The following LRRC4C variants were observed in gnomAD, a reference collection of about 807,000 sequenced individuals.
The protein encoded by LRRC4C is leucine-rich repeat-containing protein 4C.
Under a neutral mutation model 33.6 loss-of-function variants are expected in LRRC4C, and 5 were observed. That is an observed-to-expected ratio of 0.15 (90% confidence interval 0.08 to 0.31). The LOEUF is 0.31. LRRC4C is among the 10% of genes least tolerant of loss of function. LRRC4C has a pLI of 1.00. For synonymous variants in LRRC4C, 329 were observed against 302.0 expected (o/e 1.09, Z -0.93); for missense variants, 560 against 796.7 (o/e 0.70, Z 3.58).
chr11:40,143,175 A>G (rs1857491163), intron 5 of LRRC4C, among the ~76,000 whole-genome samples: 1 of 152,086 alleles, frequency 6.6e-6, no homozygotes, highest in South Asian at 2.1e-4. Flanking sequence ...CTCCAAACAC[A>G]TCTATTGCTA....
intron 1 of LRRC4C, among the ~76,000 whole-genome samples, chr11:41,056,649 CAT>C (rs1259728545): frequency 6.6e-6 from 1 of 152,068 alleles, no homozygotes; most frequent in Non-Finnish European, 1.5e-5. Flanking sequence ...GGTCAACAAA[CAT>C]GTAAAAAAAA....
chr11:40,592,767 A>G (rs1959115136), intron 3 of LRRC4C, among the ~76,000 whole-genome samples: 1 of 152,104 alleles, frequency 6.6e-6, no homozygotes, highest in African/African-American at 2.4e-5. Flanking sequence ...GACTACTTCC[A>G]TGGCTGTGAT....
chr11:40,147,174 C>T (rs1033342792), intron 5 of LRRC4C, among the ~76,000 whole-genome samples: 2 of 152,158 alleles, frequency 1.3e-5, no homozygotes, highest in South Asian at 2.1e-4. Flanking sequence ...GGGCACTGAC[C>T]GCCACTTGCA....
At chr11:41,255,762 A>C (rs1212109938) in intron 1 of LRRC4C, among the ~76,000 whole-genome samples, 1 of 151,992 alleles carries the variant, frequency 6.6e-6, no homozygotes, top group African/African-American at 2.4e-5. Flanking sequence ...TATAACTCTT[A>C]AGCTAAACAC....
chr11:40,364,155 T>A (rs1042615271), intron 3 of LRRC4C, among the ~76,000 whole-genome samples: 10 of 151,990 alleles, frequency 6.6e-5, no homozygotes, highest in Admixed American at 6.6e-5. Context: ...CCACCAGCAT[T>A]AAATTCATAA....
intron 3 of LRRC4C, among the ~76,000 whole-genome samples, chr11:40,475,946 A>C (rs961647677): frequency 1.3e-5 from 2 of 151,980 alleles, no homozygotes; most frequent in Non-Finnish European, 2.9e-5. Flanking sequence ...GACATGTGAG[A>C]CTCAATAATT....
chr11:40,686,156 C>T (rs537213358), intron 2 of LRRC4C, among the ~76,000 whole-genome samples: 5 of 152,144 alleles, frequency 3.3e-5, no homozygotes, highest in African/African-American at 1.2e-4. Flanking sequence ...GGATCCTGGA[C>T]ATGTTTCATG....
chr11:40,233,685 C>A (rs1279350032), intron 5 of LRRC4C, among the ~76,000 whole-genome samples: 1 of 152,040 alleles, frequency 6.6e-6, no homozygotes, highest in African/African-American at 2.4e-5. Context: ...ATGACAAGGA[C>A]CTTGAGTGAA....
At chr11:40,985,170 A>G (rs1391981461) in intron 1 of LRRC4C, among the ~76,000 whole-genome samples, 1 of 152,040 alleles carries the variant, frequency 6.6e-6, no homozygotes, top group Non-Finnish European at 1.5e-5. Flanking sequence ...TTAGTTTAGC[A>G]TGAAAACAGT....
intron 3 of LRRC4C, among the ~76,000 whole-genome samples, chr11:40,580,087 G>GTA (rs59559354): frequency 7.0e-6 from 1 of 143,730 alleles, no homozygotes; most frequent in African/African-American, 3.0e-5. Flanking sequence ...GTGTGTGTGT[G>GTA]CCTTTCAAGA....
At chr11:41,282,525 C>T (rs1949706870) in intron 1 of LRRC4C, among the ~76,000 whole-genome samples, 1 of 152,184 alleles carries the variant, frequency 6.6e-6, no homozygotes, top group South Asian at 2.1e-4. Context: ...CCAACTAGAA[C>T]ATCCTCATTA....
intron 3 of LRRC4C, among the ~76,000 whole-genome samples, chr11:40,343,643 T>A (rs924492908): frequency 1.6e-5 from 2 of 128,172 alleles, no homozygotes; most frequent in Non-Finnish European, 3.2e-5. Context: ...GAGTGATATA[T>A]AAAGATCTCT....
Position 41,099,528 on chromosome 11 carries a change from T to C in LRRC4C, c.-495-165805A>G, listed in dbSNP as rs558481506. The stretch of plus-strand genomic sequence containing the variant: ...TAGGTTTTATCTCTGGGATGAAAGG[T>C]TGGTTCAACATACACAAATCAATAA... On this transcript the variant is annotated intron_variant, in intron 1 of 6. Transcript: ENST00000528697. Among the ~76,000 whole-genome samples the C allele has an allele frequency of 5.3e-5, 8 of 152,168 alleles. No homozygotes were observed. In the South Asian group the frequency reaches 1.7e-3, roughly 32 times the overall value.
chr11:40,355,935 C>CATAGTATAGTGTAGTATTGT (rs1565307469), intron 3 of LRRC4C, among the ~76,000 whole-genome samples: 3 of 106,278 alleles, frequency 2.8e-5, no homozygotes, highest in African/African-American at 1.1e-4. Flanking sequence ...GTTTTACATT[C>CATAGTATAGTGTAGTATTGT]ATAGTATAGT....
chr11:41,355,938 A>G (rs1351961682), intron 1 of LRRC4C, among the ~76,000 whole-genome samples: 2 of 152,112 alleles, frequency 1.3e-5, no homozygotes, highest in Admixed American at 6.6e-5. Context: ...AAGTATTTAC[A>G]TAGCTAGAAA....
intron 2 of LRRC4C, among the ~76,000 whole-genome samples, chr11:40,649,295 G>T (rs1942645719): frequency 6.6e-6 from 1 of 152,072 alleles, no homozygotes; most frequent in African/African-American, 2.4e-5. Flanking sequence ...TCCCAGAGCG[G>T]CCGTTTATAG....
intron 3 of LRRC4C, among the ~76,000 whole-genome samples, chr11:40,393,816 A>G (rs1590591624): frequency 6.6e-6 from 1 of 152,306 alleles, no homozygotes; most frequent in East Asian, 1.9e-4. Context: ...CAAAGTTTCC[A>G]GAACAAGAGA....
At chr11:41,039,938 G>A (rs1374098707) in intron 1 of LRRC4C, among the ~76,000 whole-genome samples, 2 of 151,880 alleles carry the variant, frequency 1.3e-5, no homozygotes, top group Non-Finnish European at 2.9e-5. Flanking sequence ...TCAGGAGATG[G>A]AGACTATCCT....
intron 2 of LRRC4C, among the ~76,000 whole-genome samples, chr11:40,670,275 C>T (rs1018437449): frequency 1.3e-5 from 2 of 152,070 alleles, no homozygotes; most frequent in Non-Finnish European, 2.9e-5. Context: ...AAAATTTGAG[C>T]CTTGATAAAA....
Sources: allele counts gnomAD v4.1 joint callset (sites outside exome capture counted in the v4.1 genomes callset), GRCh38; gene constraint gnomAD v4.1.1; transcripts MANE v1.5; gene names NCBI Gene and HGNC (gene_info 2026-07-23, HGNC 2026-07-21).